Variants in PLA2G4A observed in about 807,000 individuals in gnomAD.
PLA2G4A encodes cytosolic phospholipase A2.
Under a neutral mutation model 81.9 loss-of-function variants are expected in PLA2G4A, and 40 were observed. The observed-to-expected ratio is 0.49, with a 90% CI of 0.38 to 0.64. PLA2G4A has a LOEUF of 0.64. PLA2G4A is among the 30% of genes least tolerant of loss of function. PLA2G4A has a pLI of 0.00. For synonymous variants in PLA2G4A, 302 were observed against 296.9 expected, an observed-to-expected ratio of 1.02 and a Z score of -0.18; for missense variants, 715 against 905.1, an observed-to-expected ratio of 0.79 and a Z score of 2.69.
chr1:186,946,250 A>G (rs1656342192), intron 10 of PLA2G4A, among the ~76,000 whole-genome samples: 1 of 152,128 alleles, frequency 6.6e-6, no homozygotes, highest in Non-Finnish European at 1.5e-5. Flanking sequence ...ATTTTAATAA[A>G]CTGTTTGAAT....
At chr1:186,871,863 CT>C (rs1007010307) in intron 3 of PLA2G4A, among the ~76,000 whole-genome samples, 11 of 151,586 alleles carry the variant, frequency 7.3e-5, no homozygotes, top group Non-Finnish European at 1.2e-4. Context: ...ATAGGTTTTT[CT>C]TTTTTTTCAA....
chr1:186,919,484 C>T (rs976541269), intron 7 of PLA2G4A, among the ~76,000 whole-genome samples: 2 of 152,138 alleles, frequency 1.3e-5, no homozygotes, highest in South Asian at 2.1e-4. Context: ...ACTCGACTGC[C>T]GTGGAGTGTC....
At chr1:186,951,278 G>A (rs1656551616) in intron 13 of PLA2G4A, among the ~76,000 whole-genome samples, 1 of 152,080 alleles carries the variant, frequency 6.6e-6, no homozygotes, top group Non-Finnish European at 1.5e-5. Context: ...TGACAAGGTA[G>A]TTTGCAGTTT....
chr1:186,909,102 T>C (rs1218237239), intron 6 of PLA2G4A, among the ~76,000 whole-genome samples: 2 of 148,744 alleles, frequency 1.3e-5, no homozygotes, highest in African/African-American at 2.5e-5. Context: ...GCCTCCCGAG[T>C]AGCTGGGACT....
intron 3 of PLA2G4A, among the ~76,000 whole-genome samples, chr1:186,874,844 T>G (rs1653410688): frequency 6.6e-6 from 1 of 152,074 alleles, no homozygotes; most frequent in Admixed American, 6.6e-5. Context: ...CTTAATAACC[T>G]CAAGCTCTTA....
chr1:186,863,570 A>G (rs552436633), intron 2 of PLA2G4A, among the ~76,000 whole-genome samples: 7 of 152,172 alleles, frequency 4.6e-5, no homozygotes, highest in Admixed American at 4.6e-4. Flanking sequence ...GCTGTGCTAT[A>G]GAACACCAGT....
intron 3 of PLA2G4A, among the ~76,000 whole-genome samples, chr1:186,880,985 A>G (rs1040876643): frequency 1.3e-5 from 2 of 152,080 alleles, no homozygotes; most frequent in Admixed American, 6.6e-5. Context: ...CCATTTTCCC[A>G]TGAATATCAA....
chr1:186,917,677 T>C (rs913728871), intron 7 of PLA2G4A, among the ~76,000 whole-genome samples: 3 of 152,154 alleles, frequency 2.0e-5, no homozygotes, highest in Non-Finnish European at 4.4e-5. Flanking sequence ...GAGAAGCACA[T>C]GGGTTACCTT....
At chr1:186,850,821 T>A (rs1380850374) in intron 1 of PLA2G4A, among the ~76,000 whole-genome samples, 1 of 152,054 alleles carries the variant, frequency 6.6e-6, no homozygotes. Flanking sequence ...GATTCACCAT[T>A]TTTTTGCTCC....
At position 186,866,533 on chromosome 1, in the gene PLA2G4A, A is replaced by G. The variant is rs115580851; in HGVS notation, c.34-3902A>G. On this transcript the variant is annotated intron_variant, in intron 2 of 17. Transcript: ENST00000367466. The stretch of plus-strand genomic sequence containing the variant: ...TGACAGTTGGTGTCTAGTAGAATGT[A>G]TGACATATGGTTCACATTCAATGAG... Among the ~76,000 whole-genome samples, 627 of 152,280 alleles carry G rather than the reference A, an allele frequency of 4.1e-3. 3 individuals carry two copies. The highest frequency in any genetic ancestry group is 0.015 in the African/African-American group (604 of 41,572).
intron 3 of PLA2G4A, among the ~76,000 whole-genome samples, chr1:186,871,145 A>G (rs1400590963): frequency 6.6e-6 from 1 of 152,140 alleles, no homozygotes; most frequent in Non-Finnish European, 1.5e-5. Flanking sequence ...TTTATTTTGT[A>G]TGGAATAGCC....
intron 7 of PLA2G4A, among the ~76,000 whole-genome samples, chr1:186,920,285 G>A (rs2102176656): frequency 6.6e-6 from 1 of 152,268 alleles, no homozygotes; most frequent in South Asian, 2.1e-4. Context: ...CCCAGCAAGG[G>A]CAAGGGACAG....
At chr1:186,890,203 T>A (rs116800822) in intron 3 of PLA2G4A, among the ~76,000 whole-genome samples, 1,625 of 152,320 alleles carry the variant, frequency 0.011, 11 homozygotes, top group Non-Finnish European at 0.014. Flanking sequence ...GTCGATAGGT[T>A]AGGAAACCTT....
intron 15 of PLA2G4A, among the ~76,000 whole-genome samples, chr1:186,972,998 CA>C (rs1657409231): frequency 6.6e-6 from 1 of 152,216 alleles, no homozygotes; most frequent in Non-Finnish European, 1.5e-5. Context: ...ACAGCCAAAT[CA>C]GTCCAAGCAT....
At chr1:186,916,760 A>C (rs72641703) in intron 7 of PLA2G4A, among the ~76,000 whole-genome samples, 17,540 of 152,168 alleles carry the variant, frequency 0.12, 2,706 homozygotes, top group African/African-American at 0.35. Context: ...GTTCCTAGGC[A>C]TTCATAGTAA....
intron 2 of PLA2G4A, among the ~76,000 whole-genome samples, chr1:186,857,399 TAA>T (rs1652623377): frequency 7.8e-6 from 1 of 128,302 alleles, no homozygotes; most frequent in African/African-American, 3.0e-5. Context: ...ATATAATATA[TAA>T]TATATATTAT....
chr1:186,889,774 C>CCTA (rs2102103076), intron 3 of PLA2G4A, among the ~76,000 whole-genome samples: 1 of 376 alleles, frequency 2.7e-3, no homozygotes, highest in East Asian at 0.25. Context: ...TTTGTTTAGA[C>CCTA]CTCTGTACTT....
intron 17 of PLA2G4A, among the ~76,000 whole-genome samples, chr1:186,986,986 G>A (rs924816895): frequency 7.9e-5 from 12 of 152,180 alleles, no homozygotes; most frequent in Non-Finnish European, 1.6e-4. Context: ...TTCCCGAGAA[G>A]ATAATTACAT....
At chr1:186,958,306 T>C (rs1656827289) in intron 14 of PLA2G4A, among the ~76,000 whole-genome samples, 1 of 152,204 alleles carries the variant, frequency 6.6e-6, no homozygotes, top group African/African-American at 2.4e-5. Context: ...CAATATCTCT[T>C]TTTAAATTCA....
Sources: allele counts gnomAD v4.1 joint callset (sites outside exome capture counted in the v4.1 genomes callset), GRCh38; gene constraint gnomAD v4.1.1; transcripts MANE v1.5; gene names NCBI Gene and HGNC (gene_info 2026-07-23, HGNC 2026-07-21).